Variants in SCAI observed in about 807,000 individuals in gnomAD.
SCAI encodes the protein suppressor of cancer cell invasion, also known as protein SCAI.
A neutral mutation model predicts 92.2 loss-of-function variants in SCAI; 24 were observed. The ratio of observed to expected loss-of-function variants is 0.26; its 90% CI spans 0.19 to 0.37. SCAI has a LOEUF of 0.37. Among genes scored for constraint, SCAI ranks in the 10% least tolerant of loss-of-function variants. The probability of loss-of-function intolerance (pLI) is 1.00; values close to 1 mark genes in which losing one functional copy is unlikely to be tolerated. For synonymous variants in SCAI, 261 were observed against 258.6 expected, an observed-to-expected ratio of 1.01 and a Z score of -0.09; for missense variants, 450 against 736.2, an observed-to-expected ratio of 0.61 and a Z score of 4.50.
intron 3 of SCAI, among the ~76,000 whole-genome samples, chr9:125,046,326 CA>C (rs1346200546): frequency 4.8e-5 from 2 of 41,816 alleles, no homozygotes; most frequent in East Asian, 8.8e-4. Context: ...TACACACACA[CA>C]CACACATATA....
At chr9:125,068,469 A>T (rs553285556) in intron 2 of SCAI, among the ~76,000 whole-genome samples, 7 of 152,240 alleles carry the variant, frequency 4.6e-5, no homozygotes, top group Admixed American at 3.3e-4. Context: ...CCACACTCCA[A>T]CCTGACTGAC....
At chr9:124,958,483 A>G (rs1006790308) in intron 17 of SCAI, among the ~76,000 whole-genome samples, 3 of 152,248 alleles carry the variant, frequency 2.0e-5, no homozygotes, top group Non-Finnish European at 4.4e-5. Flanking sequence ...TCTTTTCAAC[A>G]TATGGTACTA....
intron 13 of SCAI, 135 bp from the exon 14 acceptor site, chr9:124,995,150 G>GA (rs1162872714): frequency 5.3e-6 from 3 of 567,210 alleles, no homozygotes; most frequent in African/African-American, 1.9e-5. Context: ...AAGCAAAGGG[G>GA]AAAAAAAGCC....
chr9:125,143,088 C>G (rs888106565), intron 1 of SCAI, among the ~76,000 whole-genome samples: 2 of 151,290 alleles, frequency 1.3e-5, no homozygotes, highest in Non-Finnish European at 3.0e-5. Flanking sequence ...GCCCGGCGAC[C>G]CCCGCATTCC....
chr9:124,976,007 T>C, intron 15 of SCAI, 107 bp downstream of exon 15: 1 of 733,826 alleles, frequency 1.4e-6, no homozygotes, highest in Non-Finnish European at 2.4e-6. Context: ...ACACCATAAA[T>C]CCACACGCGA....
intron 2 of SCAI, among the ~76,000 whole-genome samples, chr9:125,138,588 TTG>T (rs1038456584): frequency 2.0e-5 from 3 of 152,122 alleles, no homozygotes; most frequent in Non-Finnish European, 2.9e-5. Flanking sequence ...CTGATTTTTT[TTG>T]TTTTTAGTAG....
intron 2 of SCAI, among the ~76,000 whole-genome samples, chr9:125,127,709 C>T (rs182924122): frequency 7.9e-5 from 12 of 152,060 alleles, no homozygotes; most frequent in Admixed American, 3.9e-4. Flanking sequence ...ACAAGCTGCT[C>T]CATTTAAGAT....
intron 6 of SCAI, 88 bp from the exon 7 acceptor site, chr9:125,020,857 T>G (rs1440789839): frequency 1.7e-6 from 1 of 581,064 alleles, no homozygotes; most frequent in African/African-American, 2.0e-5. Context: ...TTAAAACTCT[T>G]TCCCTCCTTT....
chr9:125,025,485 G>A (rs2131081265), intron 6 of SCAI, among the ~76,000 whole-genome samples: 1 of 152,194 alleles, frequency 6.6e-6, no homozygotes. Flanking sequence ...ATAGTTCTCT[G>A]CTTATATGTA....
chr9:125,042,857 G>GGTTTTGTT (rs1564390540), intron 3 of SCAI, among the ~76,000 whole-genome samples: 1 of 115,900 alleles, frequency 8.6e-6, no homozygotes, highest in Admixed American at 1.1e-4. Flanking sequence ...CTGCTCCCTG[G>GGTTTTGTT]CTTTTTTTTT....
chr9:125,001,237 C>T (rs1832355241), intron 12 of SCAI, among the ~76,000 whole-genome samples: 1 of 152,166 alleles, frequency 6.6e-6, no homozygotes. Flanking sequence ...CAAGGACATG[C>T]ATTTTATAAA....
intron 2 of SCAI, among the ~76,000 whole-genome samples, chr9:125,082,134 G>A (rs556315610): frequency 7.2e-5 from 11 of 152,202 alleles, no homozygotes; most frequent in South Asian, 6.2e-4. Context: ...GCCCAGGGTC[G>A]CCATGCCATG....
intron 3 of SCAI, among the ~76,000 whole-genome samples, chr9:125,032,043 A>G (rs1044398208): frequency 6.6e-6 from 1 of 151,676 alleles, no homozygotes; most frequent in Non-Finnish European, 1.5e-5. Flanking sequence ...TACCCCTATG[A>G]CCACCATTAG....
At chr9:124,997,244 T>C (rs1410571167) in intron 13 of SCAI, among the ~76,000 whole-genome samples, 1 of 152,202 alleles carries the variant, frequency 6.6e-6, no homozygotes, top group African/African-American at 2.4e-5. Context: ...ATCATAGTCA[T>C]GCAGGTGCAC....
At chr9:125,113,376 G>GC (rs983610402) in intron 2 of SCAI, among the ~76,000 whole-genome samples, 12 of 152,186 alleles carry the variant, frequency 7.9e-5, no homozygotes, top group African/African-American at 2.2e-4. Context: ...TTTGACCAAT[G>GC]CCCCTCAAAA....
At chr9:125,125,979 T>C (rs535720854) in intron 2 of SCAI, among the ~76,000 whole-genome samples, 34 of 149,406 alleles carry the variant, frequency 2.3e-4, no homozygotes, top group Admixed American at 1.4e-3. Context: ...CAGAAACCTA[T>C]ACAGGATAAG....
Position 125,020,660 on chromosome 9 carries a change from A to T in SCAI, c.609+13T>A. 1 of 1,153,592 alleles carries T rather than the reference A, an allele frequency of 8.7e-7. No individual in the cohort carries two copies. Among genetic ancestry groups the T allele is most frequent in the Non-Finnish European group, 1.3e-6 (1 of 791,750 alleles). 71.5% of individuals were successfully genotyped at this position (1,153,592 alleles called of 1,614,324 possible). A position where few individuals can be genotyped will look rare whatever the true frequency, so the allele number is the denominator to read the frequency against. ...CTAGAGATTAGAATTTGAACTATTT[A>T]AAGTGTATTTACCTTTACCAGATCC... On this transcript the variant is annotated intron_variant, in intron 7 of 17. Transcript: ENST00000336505.
chr9:125,074,005 A>G (rs999198411), intron 2 of SCAI, among the ~76,000 whole-genome samples: 1 of 150,966 alleles, frequency 6.6e-6, no homozygotes, highest in African/African-American at 2.4e-5. Context: ...CATGCCTGTA[A>G]TCCCAGCATT....
intron 2 of SCAI, among the ~76,000 whole-genome samples, chr9:125,118,717 A>G (rs1367849512): frequency 2.0e-5 from 3 of 151,768 alleles, no homozygotes; most frequent in Non-Finnish European, 4.4e-5. Context: ...CCCACCCCAC[A>G]TGGCCTCGAT....
Sources: allele counts gnomAD v4.1 joint callset (sites outside exome capture counted in the v4.1 genomes callset), GRCh38; gene constraint gnomAD v4.1.1; transcripts MANE v1.5; gene names NCBI Gene and HGNC (gene_info 2026-07-23, HGNC 2026-07-21).